CDH12: variants seen among roughly 807,000 people sequenced by gnomAD.
The protein encoded by CDH12 is cadherin-12.
Under a neutral mutation model 74.1 loss-of-function variants are expected in CDH12, and 41 were observed. The ratio of observed to expected loss-of-function variants is 0.55; its 90% CI spans 0.43 to 0.72. The LOEUF is 0.72. CDH12 is among the 30% of genes least tolerant of loss of function. The pLI is 0.00. For synonymous variants in CDH12, 399 were observed against 355.0 expected (o/e 1.12, Z -1.39); for missense variants, 945 against 977.2 (o/e 0.97, Z 0.44).
intron 1 of CDH12, among the ~76,000 whole-genome samples, chr5:22,716,565 G>A (rs4701295): frequency 0.49 from 73,514 of 150,796 alleles, 17,924 homozygotes; most frequent in East Asian, 0.56. Flanking sequence ...CATTATTTTA[G>A]TGTGTGCTCC....
At chr5:22,240,895 A>T (rs1454357524) in intron 3 of CDH12, among the ~76,000 whole-genome samples, 2 of 152,162 alleles carry the variant, frequency 1.3e-5, no homozygotes, top group African/African-American at 4.8e-5. Context: ...AAAAGTTATA[A>T]TTAACATAGA....
chr5:22,102,743 G>T (rs1744216380), intron 4 of CDH12, among the ~76,000 whole-genome samples: 1 of 152,028 alleles, frequency 6.6e-6, no homozygotes, highest in Admixed American at 6.6e-5. Context: ...CAGTGTTGGG[G>T]GGAGGGGCCT....
At chr5:22,125,084 G>A (rs561930373) in intron 4 of CDH12, among the ~76,000 whole-genome samples, 1 of 151,948 alleles carries the variant, frequency 6.6e-6, no homozygotes, top group Non-Finnish European at 1.5e-5. Flanking sequence ...CAAGATTCGG[G>A]GTTTGATACA....
At chr5:22,677,369 G>T (rs1349140940) in intron 1 of CDH12, among the ~76,000 whole-genome samples, 3 of 152,054 alleles carry the variant, frequency 2.0e-5, no homozygotes, top group African/African-American at 4.8e-5. Flanking sequence ...ATTTCAAAAT[G>T]TAAAATTTTG....
At chr5:22,401,088 C>A (rs1742711490) in intron 3 of CDH12, among the ~76,000 whole-genome samples, 1 of 152,064 alleles carries the variant, frequency 6.6e-6, no homozygotes, top group South Asian at 2.1e-4. Flanking sequence ...TTAGTCAATC[C>A]TAATCATAAC....
intron 5 of CDH12, among the ~76,000 whole-genome samples, chr5:22,015,272 T>C (rs1478574561): frequency 2.0e-5 from 3 of 152,214 alleles, no homozygotes; most frequent in Non-Finnish European, 4.4e-5. Flanking sequence ...CAGTGAGTTT[T>C]TTGTACACAT....
intron 3 of CDH12, among the ~76,000 whole-genome samples, chr5:22,273,394 A>G (rs1218123016): frequency 6.6e-6 from 1 of 152,236 alleles, no homozygotes; most frequent in African/African-American, 2.4e-5. Context: ...ATAATGCAGT[A>G]TCTGCAAAGT....
intron 6 of CDH12, chr5:21,884,204 G>T: frequency 1.3e-6 from 2 of 1,583,484 alleles, no homozygotes; most frequent in Non-Finnish European, 1.7e-6. Flanking sequence ...TGGCCTCTCT[G>T]TTAACTACAG....
intron 8 of CDH12, among the ~76,000 whole-genome samples, chr5:21,841,572 G>A (rs1292374676): frequency 1.7e-4 from 25 of 148,336 alleles, no homozygotes; most frequent in Admixed American, 3.4e-4. Flanking sequence ...TGTTTATTGC[G>A]GCACTATTCA....
intron 8 of CDH12, among the ~76,000 whole-genome samples, chr5:21,832,273 A>T (rs1453607864): frequency 6.6e-6 from 1 of 152,128 alleles, no homozygotes; most frequent in African/African-American, 2.4e-5. Context: ...TTTCAGCACC[A>T]CTTAAAAATG....
In CDH12 at chr5:22,755,528, T is replaced by C. The variant is rs186309363; in HGVS notation, c.-523+97530A>G. ...TATCACGAGCAAAGTAATGCACATT[T>C]TTTGGTAAAAAGTTCTTGAAGGTAG... On this transcript the variant is annotated intron_variant, in intron 1 of 14. Coordinates refer to ENST00000382254, the MANE Select transcript of CDH12 (RefSeq NM_004061.5). 1.6e-3 allele frequency among the ~76,000 whole-genome samples: 239 copies of C among 152,266 alleles called. 1 individual carries two copies. The highest frequency in any genetic ancestry group is 5.6e-3 in the African/African-American group (232 of 41,580).
intron 4 of CDH12, among the ~76,000 whole-genome samples, chr5:22,172,126 C>G (rs1240910257): frequency 6.6e-6 from 1 of 151,840 alleles, no homozygotes; most frequent in Non-Finnish European, 1.5e-5. Flanking sequence ...GGAAAAAGAA[C>G]AAATATTTTC....
chr5:21,805,100 C>G (rs1365659328), intron 9 of CDH12, among the ~76,000 whole-genome samples: 1 of 152,104 alleles, frequency 6.6e-6, no homozygotes, highest in Non-Finnish European at 1.5e-5. Flanking sequence ...GCAAATTGAG[C>G]TGACCTGGCT....
intron 3 of CDH12, among the ~76,000 whole-genome samples, chr5:22,336,320 A>C (rs1739579225): frequency 1.3e-5 from 2 of 152,242 alleles, no homozygotes; most frequent in South Asian, 4.1e-4. Context: ...CCATTATCTG[A>C]AGAGAAATTC....
intron 1 of CDH12, among the ~76,000 whole-genome samples, chr5:22,578,795 G>A (rs1395153744): frequency 6.6e-6 from 1 of 151,950 alleles, no homozygotes; most frequent in African/African-American, 2.4e-5. Context: ...TCTCTAGAAG[G>A]GAAATTAAAC....
Position 21,895,765 on chromosome 5 carries a change from C to T in CDH12, c.527-40975G>A, listed in dbSNP as rs7442726. Among the ~76,000 whole-genome samples the T allele has an allele frequency of 5.3e-5, 8 of 152,232 alleles. No homozygotes were observed. The South Asian group carries it at 6.2e-4, about 12-fold the overall frequency. On this transcript the variant is annotated intron_variant, in intron 6 of 14. Coordinates refer to ENST00000382254, the MANE Select transcript of CDH12 (RefSeq NM_004061.5). ...CCTGCCCAAGTGCCCAGGTAGTAGC[C>T]TTCATGATTGAAGGTAAAGATCAGC...
In CDH12 at chr5:21,752,253, A is replaced by T; in HGVS notation, c.1886-17T>A. 6.4e-7 allele frequency: 1 copy of T among 1,560,986 alleles called. No individual in the cohort carries two copies. Among genetic ancestry groups the T allele is most frequent in the Non-Finnish European group, 8.7e-7 (1 of 1,154,818 alleles). ...CAACTATGGCTGGAACAAGACAAAA[A>T]TTGCAATTTGAGAATAGAAAGCAGA... On this transcript the variant is annotated splice_polypyrimidine_tract_variant and intron_variant, in intron 14 of 14. Coordinates refer to ENST00000382254, the MANE Select transcript of CDH12 (RefSeq NM_004061.5).
At chr5:22,091,261 ATATTTGTGTGTG>A (rs1743411932) in intron 4 of CDH12, among the ~76,000 whole-genome samples, 2 of 148,956 alleles carry the variant, frequency 1.3e-5, no homozygotes, top group South Asian at 4.3e-4. Context: ...ATAGTTTAAG[ATATTTGTGTGTG>A]TGTTTGTGTG....
chr5:22,301,377 A>G (rs1331871361), intron 3 of CDH12, among the ~76,000 whole-genome samples: 1 of 152,198 alleles, frequency 6.6e-6, no homozygotes, highest in Non-Finnish European at 1.5e-5. Flanking sequence ...GATGACAAGG[A>G]TAAGAAACAT....
Sources: gnomAD v4.1 joint callset for allele counts (sites outside exome capture counted in the v4.1 genomes callset) on GRCh38, gnomAD v4.1.1 for gene constraint, MANE v1.5 for transcripts, NCBI Gene and HGNC (gene_info 2026-07-23, HGNC 2026-07-21) for gene names.